The following CHST6 variants were observed in gnomAD, a reference collection of about 807,000 sequenced individuals.
CHST6 encodes the protein carbohydrate sulfotransferase 6.
For synonymous variants in CHST6, 309 were observed against 276.4 expected, an observed-to-expected ratio of 1.12 and a Z score of -1.17; for missense variants, 698 against 586.2, an observed-to-expected ratio of 1.19 and a Z score of -1.97.
rs1010454673 is a variant in CHST6, at chr16:75,474,820, GAC to G, written c.*3819_*3820del. 2 of 396,916 alleles carry G rather than the reference GAC, an allele frequency of 5.0e-6. No homozygotes were observed. The highest frequency in any genetic ancestry group is 2.1e-5 in the African/African-American group (1 of 48,560). 24.6% of individuals were successfully genotyped at this position (396,916 alleles called of 1,614,324 possible). ...AATAATGGTGGTTTTTTTTAAGACA[GAC>G]TCTCGCTTTGTTGCCCAGGCTGGAG... On this transcript the variant is annotated 3_prime_UTR_variant, in exon 3 of 3. Transcript: ENST00000332272.
chr16:75,473,095 C>T lies in CHST6; in HGVS notation c.*5546G>A, dbSNP rs1314572987. 1.3e-5 allele frequency: 2 copies of T among 152,250 alleles called. No individual in the cohort carries two copies. The highest frequency in any genetic ancestry group is 4.8e-5 in the African/African-American group (2 of 41,454). The allele number at this position is 152,250 out of a possible 1,614,324, so 9.4% of individuals were successfully genotyped here. On this transcript the variant is annotated 3_prime_UTR_variant, in exon 3 of 3. Transcript: ENST00000332272. ...TCTCAAGTGTATCGGTTAGGCAATG[C>T]TACGTAACAAACCACCACAACACTC...
rs2080078675 is a variant in CHST6 at position 75,477,465 on chromosome 16, G to T, written c.*1176C>A. Reference sequence around the variant, plus strand: ...CACAGGTAACAGGGTCAGAAGTTCTGTTGGCAGCCAACACAGTTCCCAGAC... The same window carrying T: ...CACAGGTAACAGGGTCAGAAGTTCTTTTGGCAGCCAACACAGTTCCCAGAC... On this transcript the variant is annotated 3_prime_UTR_variant, in exon 3 of 3. Coordinates refer to ENST00000332272, the MANE Select transcript of CHST6 (RefSeq NM_021615.5). 1 of 152,214 alleles carries T rather than the reference G, an allele frequency of 6.6e-6. No homozygotes were observed. The highest frequency in any genetic ancestry group is 1.5e-5 in the Non-Finnish European group (1 of 68,036). The allele number at this position is 152,214 out of a possible 1,614,324, so 9.4% of individuals were successfully genotyped here.
At chr16:75,483,395 C>T (rs1045550980) in intron 1 of CHST6, among the ~76,000 whole-genome samples, 4 of 152,320 alleles carry the variant, frequency 2.6e-5, no homozygotes, top group African/African-American at 9.6e-5. Flanking sequence ...GACTCACACA[C>T]TACAGGAACT....
chr16:75,486,858 A>G (rs1227425415), intron 1 of CHST6, among the ~76,000 whole-genome samples: 1 of 152,184 alleles, frequency 6.6e-6, no homozygotes, highest in Non-Finnish European at 1.5e-5. Flanking sequence ...GTGCAGGGGC[A>G]GAGCTTCTGG....
In CHST6 at chr16:75,492,627, T is replaced by A. The variant is rs1418046765; in HGVS notation, c.-92+2313A>T. Among the ~76,000 whole-genome samples, 3 of 152,184 alleles carry A rather than the reference T, an allele frequency of 2.0e-5. No individual in the cohort carries two copies. In the East Asian group the frequency reaches 5.8e-4, roughly 29 times the overall value. On this transcript the variant is annotated intron_variant, in intron 1 of 2. Transcript: ENST00000332272. ...ACTCTGGGAGGCCAAGACAGGCAGA[T>A]CACCTTAGGTCAGGAGTTGGAGACC...
chr16:75,479,947 G>A, intron 2 of CHST6, 103 bp from the exon 3 acceptor site: 4 of 961,968 alleles, frequency 4.2e-6, no homozygotes, highest in Non-Finnish European at 6.2e-6. Context: ...CCAGACCCGA[G>A]CATCCCATGA....
In CHST6 at chr16:75,479,304, C is replaced by T; in HGVS notation, c.525G>A (p.Glu175=). Residue 175 remains glutamate, a synonymous_variant, in exon 3 of 3, where the codon GAG becomes GAA. Transcript: ENST00000332272. ...GCACCTGCAGGTTGAAGAAGCGCACCTCCTTGAGCACCACGTGGCTGTAGG... is the reference window on the plus strand; with the variant it reads ...GCACCTGCAGGTTGAAGAAGCGCACTTCCTTGAGCACCACGTGGCTGTAGG... ...CRSYSHVVLK[E]VRFFNLQVLY... 6.2e-7 allele frequency: 1 copy of T among 1,613,288 alleles called. No individual in the cohort carries two copies. The highest frequency in any genetic ancestry group is 2.2e-5 in the East Asian group (1 of 44,862).
chr16:75,478,733 C>A lies in CHST6; in HGVS notation c.1096G>T (p.Glu366Ter). ...AGATCAAGGGCGAGGTTGCGCTGCT[C>A]GTCCTCAGAGTACACAGGCCGGTAG... The part of the protein sequence containing the change: ...LGYRPVYSED[E>*]QRNLALDLVL... Residue 366 changes from glutamate to a stop codon, truncating the protein, a stop_gained, in exon 3 of 3, where the codon GAG becomes TAG. Coordinates refer to ENST00000332272, the MANE Select transcript of CHST6 (RefSeq NM_021615.5). LOFTEE classifies it low-confidence loss of function (END_TRUNC). The A allele has an allele frequency of 6.2e-7, 1 of 1,613,540 alleles. No individual in the cohort carries two copies. Among genetic ancestry groups the A allele is most frequent in the Non-Finnish European group, 8.5e-7 (1 of 1,180,016 alleles).
In CHST6 at chr16:75,479,040, A is replaced by G. The variant is rs200988630; in HGVS notation, c.789T>C (p.Phe263=). 63 of 1,609,002 alleles carry G rather than the reference A, an allele frequency of 3.9e-5. No individual in the cohort carries two copies. In the East Asian group the frequency reaches 7.8e-4, roughly 20 times the overall value. The change falls in exon 3 of 3, where the codon TTT becomes TTC. Residue 263 remains phenylalanine, a synonymous_variant. Transcript: ENST00000332272. ...GCACCAGGCGGTAGCGGCCGCGCAGAAAGGGTGGCGGCTTGAGTGTGGCGG... is the reference window on the plus strand; with the variant it reads ...GCACCAGGCGGTAGCGGCCGCGCAGGAAGGGTGGCGGCTTGAGTGTGGCGG... ...AEAATLKPPP[F]LRGRYRLVRF...
chr16:75,479,296 A>G lies in CHST6; in HGVS notation c.533T>C (p.Phe178Ser). The G allele has an allele frequency of 6.2e-7, 1 of 1,613,200 alleles. No individual in the cohort carries two copies. The highest frequency in any genetic ancestry group is 8.5e-7 in the Non-Finnish European group (1 of 1,179,768). Residue 178 changes from phenylalanine to serine, a missense_variant, in exon 3 of 3, where the codon TTC becomes TCC. Coordinates refer to ENST00000332272, the MANE Select transcript of CHST6 (RefSeq NM_021615.5). Reference protein sequence around the residue: ...YSHVVLKEVRFFNLQVLYPLL... With the variant: ...YSHVVLKEVRSFNLQVLYPLL... Reference sequence around the variant, plus strand: ...CGGGTAGAGCACCTGCAGGTTGAAGAAGCGCACCTCCTTGAGCACCACGTG... The same window carrying G: ...CGGGTAGAGCACCTGCAGGTTGAAGGAGCGCACCTCCTTGAGCACCACGTG...
In CHST6 at chr16:75,479,623, A is replaced by G; in HGVS notation, c.206T>C (p.Leu69Pro). 6.2e-7 allele frequency: 1 copy of G among 1,612,802 alleles called. No homozygotes were observed. The highest frequency in any genetic ancestry group is 8.5e-7 in the Non-Finnish European group (1 of 1,179,812). Residue 69 changes from leucine to proline, a missense_variant, in exon 3 of 3, where the codon CTA (leucine) becomes CCA (proline). Leu to Pro is a moderately conservative substitution (Grantham distance 98, BLOSUM62 -3). Transcript: ENST00000332272. ...LFNQHPDVFY[L>P]MEPAWHVWTT... ...CCACACGTGCCACGCGGGCTCCATT[A>G]GGTAGAAGACGTCGGGGTGCTGGTT...
chr16:75,479,080 A>G lies in CHST6; in HGVS notation c.749T>C (p.Val250Ala), dbSNP rs1407997554. Residue 250 changes from valine (V) to alanine (A), a missense_variant, in exon 3 of 3, where the codon GTA (valine) becomes GCA (alanine). By Grantham distance (64) the Val-to-Ala change is moderately conservative. Coordinates refer to ENST00000332272, the MANE Select transcript of CHST6 (RefSeq NM_021615.5). ...RVVREVCRSH[V>A]RIAEAATLKP... is the part of the protein sequence containing the mutation. The stretch of plus-strand genomic sequence containing the variant: ...GAGTGTGGCGGCCTCGGCGATGCGT[A>G]CGTGGCTACGGCACACCTCGCGCAC... The G allele has an allele frequency of 6.2e-7, 1 of 1,605,698 alleles. No homozygotes were observed. Among genetic ancestry groups the G allele is most frequent in the Non-Finnish European group, 8.5e-7 (1 of 1,179,232 alleles).
At chr16:75,485,076 G>A (rs939269980) in intron 1 of CHST6, among the ~76,000 whole-genome samples, 19 of 152,078 alleles carry the variant, frequency 1.2e-4, no homozygotes, top group African/African-American at 3.6e-4. Context: ...GTAATTAATG[G>A]TGATGATGGT....
chr16:75,494,773 G>T (rs1216663252), intron 1 of CHST6, among the ~76,000 whole-genome samples, 167 bp downstream of exon 1: 1 of 152,214 alleles, frequency 6.6e-6, no homozygotes, highest in Non-Finnish European at 1.5e-5. Flanking sequence ...CGCCAACAGC[G>T]GCGATGCCCT....
Position 75,474,276 on chromosome 16 carries a change from TG to T in CHST6, c.*4364del. The T allele has an allele frequency of 3.6e-6, 1 of 276,428 alleles. No homozygotes were observed. The allele number at this position is 276,428 out of a possible 1,614,324, so 17.1% of individuals were successfully genotyped here. A position where few individuals can be genotyped will look rare whatever the true frequency, so the allele number is the denominator to read the frequency against. On this transcript the variant is annotated 3_prime_UTR_variant, in exon 3 of 3. Coordinates refer to ENST00000332272, the MANE Select transcript of CHST6 (RefSeq NM_021615.5). Reference sequence around the variant, plus strand: ...TGTTTTGCTATAACAATACCACAGATGGGGTCATTTATTTAGAGATAGGTGT... The same window carrying T: ...TGTTTTGCTATAACAATACCACAGATGGGTCATTTATTTAGAGATAGGTGT...
chr16:75,483,886 C>A (rs2080167784), intron 1 of CHST6, among the ~76,000 whole-genome samples: 1 of 151,852 alleles, frequency 6.6e-6, no homozygotes, highest in Non-Finnish European at 1.5e-5. Context: ...TAGCCCAGTG[C>A]AGTGGCGCGG....
Position 75,479,373 on chromosome 16 carries a change from C to A in CHST6, c.456G>T (p.Leu152=). Residue 152 remains leucine (L), a synonymous_variant, in exon 3 of 3, where the codon CTG becomes CTT. Transcript: ENST00000332272. ...CCAGGGTGAAGGACTGCCGCGCGCA[C>A]AGTGGCTTGCACACGGCCTCGCTGC... is the stretch of plus-strand genomic sequence containing the variant. ...AISSEAVCKP[L]CARQSFTLAR... is the part of the protein sequence containing the mutation. The A allele has an allele frequency of 6.2e-7, 1 of 1,612,718 alleles. No homozygotes were observed. Among genetic ancestry groups the A allele is most frequent in the Non-Finnish European group, 8.5e-7 (1 of 1,179,790 alleles).
intron 1 of CHST6, among the ~76,000 whole-genome samples, chr16:75,483,782 G>C (rs1222550871): frequency 6.6e-6 from 1 of 152,148 alleles, no homozygotes; most frequent in African/African-American, 2.4e-5. Flanking sequence ...AGGGCACTTT[G>C]GGAGGCTGAG....
In CHST6 at chr16:75,479,588, A is replaced by G. The variant is rs1176555929; in HGVS notation, c.241T>C (p.Ser81Pro). 1 of 1,612,958 alleles carries G rather than the reference A, an allele frequency of 6.2e-7. No individual in the cohort carries two copies. The stretch of plus-strand genomic sequence containing the variant: ...TGCAGCGTTGCGGCGCTGCCCTGCG[A>G]CAGGGTGGTCCACACGTGCCACGCG... ...EPAWHVWTTLSQGSAATLHMA... is the reference protein window; with the variant it reads ...EPAWHVWTTLPQGSAATLHMA... The change falls in exon 3 of 3, where the codon TCG (serine) becomes CCG (proline). Residue 81 changes from serine (S) to proline (P), a missense_variant. By Grantham distance (74) the Ser-to-Pro change is moderately conservative (BLOSUM62 -1). Coordinates refer to ENST00000332272, the MANE Select transcript of CHST6 (RefSeq NM_021615.5).
Sources: allele counts gnomAD v4.1 joint callset (sites outside exome capture counted in the v4.1 genomes callset), GRCh38; gene constraint gnomAD v4.1.1; transcripts MANE v1.5; gene names NCBI Gene and HGNC (gene_info 2026-07-23, HGNC 2026-07-21).